The following DOP1A variants were observed in gnomAD, a reference collection of about 807,000 sequenced individuals.
The protein encoded by DOP1A is protein DOP1A.
DOP1A carries 90 observed loss-of-function variants against 267.6 expected under a neutral mutation model. That is an observed-to-expected ratio of 0.34 (90% CI 0.28 to 0.40). DOP1A has a LOEUF of 0.40. DOP1A is among the 10% of genes least tolerant of loss of function. The pLI, the probability that DOP1A is intolerant of heterozygous loss-of-function variation, is 1.00. For missense variants in DOP1A, 2,437 were observed against 2,900.4 expected, an observed-to-expected ratio of 0.84 and a Z score of 3.67; for synonymous variants, 932 against 999.1, an observed-to-expected ratio of 0.93 and a Z score of 1.27.
intron 1 of DOP1A, among the ~76,000 whole-genome samples, chr6:83,087,431 ATGTAGT>A (rs1442939093): frequency 1.3e-5 from 2 of 152,134 alleles, no homozygotes; most frequent in Admixed American, 1.3e-4. Flanking sequence ...AAAAAAAAAC[ATGTAGT>A]TGAGTTTAAC....
chr6:83,114,004 T>C (rs943879349), intron 7 of DOP1A, among the ~76,000 whole-genome samples: 10 of 152,272 alleles, frequency 6.6e-5, no homozygotes, highest in Middle Eastern at 3.4e-3. Context: ...CACCAGTATA[T>C]AGGCATTCAG....
chr6:83,100,432 A>G (rs995766289), intron 3 of DOP1A, among the ~76,000 whole-genome samples: 1 of 151,988 alleles, frequency 6.6e-6, no homozygotes. Context: ...AATCTAAAAT[A>G]CCTCTCTTCT....
At chr6:83,092,696 T>A (rs1770683410) in intron 1 of DOP1A, among the ~76,000 whole-genome samples, 1 of 151,920 alleles carries the variant, frequency 6.6e-6, no homozygotes, top group East Asian at 1.9e-4. Context: ...AATTTACAAA[T>A]TAGGCATAGT....
At chr6:83,153,813 T>C in intron 31 of DOP1A, 81 bp from the exon 32 acceptor site, 1 of 1,427,920 alleles carries the variant, frequency 7.0e-7, no homozygotes, top group Non-Finnish European at 9.5e-7. Flanking sequence ...CTGTCTTAGG[T>C]AAATGTGAAC....
chr6:83,100,942 A>G, intron 4 of DOP1A, 56 bp downstream of exon 4: 1 of 1,132,018 alleles, frequency 8.8e-7, no homozygotes, highest in Non-Finnish European at 1.2e-6. Flanking sequence ...GTATTGCTAA[A>G]CTATTTTATA....
Position 83,109,015 on chromosome 6 carries a change from T to G in DOP1A, c.426T>G (p.Pro142=). 6.2e-7 allele frequency: 1 copy of G among 1,613,794 alleles called. No homozygotes were observed. Among genetic ancestry groups the G allele is most frequent in the South Asian group, 1.1e-5 (1 of 91,080 alleles). The change falls in exon 5 of 39, where the codon CCT becomes CCG. Residue 142 remains proline, a synonymous_variant. Coordinates refer to ENST00000349129, the MANE Select transcript of DOP1A (RefSeq NM_015018.4). ...YYLPLGKTLK[P]GLQGLLTGIL... ...TGCCTTTGGGTAAAACACTGAAACC[T>G]GGTCTACAGGGATTGCTTACTGGTA... is the stretch of plus-strand genomic sequence containing the variant.
At chr6:83,085,920 G>A (rs1769137605) in intron 1 of DOP1A, among the ~76,000 whole-genome samples, 1 of 152,082 alleles carries the variant, frequency 6.6e-6, no homozygotes, top group Non-Finnish European at 1.5e-5. Context: ...TCTCTGTGGA[G>A]GATGAATTAT....
intron 1 of DOP1A, among the ~76,000 whole-genome samples, chr6:83,077,059 CTAAAG>C (rs1301021575): frequency 6.6e-6 from 1 of 152,156 alleles, no homozygotes; most frequent in Non-Finnish European, 1.5e-5. Flanking sequence ...CATGAGGTAT[CTAAAG>C]TAGTCAAATT....
At chr6:83,074,795 G>A (rs1243288126) in intron 1 of DOP1A, among the ~76,000 whole-genome samples, 2 of 152,184 alleles carry the variant, frequency 1.3e-5, no homozygotes, top group Admixed American at 6.5e-5. Context: ...TTTTGGCCAG[G>A]CTCAGTGGCT....
intron 29 of DOP1A, 121 bp downstream of exon 29, chr6:83,152,148 C>CT: frequency 8.5e-7 from 1 of 1,172,030 alleles, no homozygotes; most frequent in Non-Finnish European, 1.2e-6. Context: ...TAACAAGTAA[C>CT]TTTTTTTCAG....
At chr6:83,167,173 T>TAA (rs1785932378) in intron 38 of DOP1A, 1 of 895,056 alleles carries the variant, frequency 1.1e-6, no homozygotes, top group African/African-American at 1.8e-5. Context: ...TCCCATTTTA[T>TAA]AAGTGAGGAA....
chr6:83,129,286 C>T lies in DOP1A; in HGVS notation c.2119C>T (p.His707Tyr). 1 of 1,609,934 alleles carries T rather than the reference C, an allele frequency of 6.2e-7. No homozygotes were observed. Among genetic ancestry groups the T allele is most frequent in the South Asian group, 1.1e-5 (1 of 90,060 alleles). Residue 707 changes from histidine to tyrosine, a missense_variant, in exon 16 of 39, where the codon CAT becomes TAT. By Grantham distance (83) the His-to-Tyr change is moderately conservative. Coordinates refer to ENST00000349129, the MANE Select transcript of DOP1A (RefSeq NM_015018.4). ...NSFSQSLATE[H>Y]QGDLGREQGE... ...TTTTTCTCAGTCTTTGGCTACAGAA[C>T]ATCAAGGGGATCTTGGTCGAGAACA... is the stretch of plus-strand genomic sequence containing the variant.
chr6:83,078,736 G>A (rs1767568386), intron 1 of DOP1A, among the ~76,000 whole-genome samples: 1 of 152,166 alleles, frequency 6.6e-6, no homozygotes, highest in Admixed American at 6.6e-5. Context: ...TGGTTTATCA[G>A]TATTTTGGAG....
chr6:83,088,385 A>G (rs1033031707), intron 1 of DOP1A, among the ~76,000 whole-genome samples: 2 of 146,482 alleles, frequency 1.4e-5, no homozygotes, highest in Admixed American at 6.8e-5. Context: ...ACAATAACCT[A>G]TTTGTAAAAT....
At chr6:83,136,089 C>T (rs1298383540) in intron 20 of DOP1A, among the ~76,000 whole-genome samples, 2 of 152,058 alleles carry the variant, frequency 1.3e-5, no homozygotes, top group African/African-American at 4.8e-5. Flanking sequence ...TCTCAGTTGA[C>T]TCTTTCAGGG....
intron 24 of DOP1A, among the ~76,000 whole-genome samples, chr6:83,142,445 T>A: frequency 6.6e-6 from 1 of 151,774 alleles, no homozygotes; most frequent in Non-Finnish European, 1.5e-5. Context: ...GAGGCGGAGG[T>A]TGTGGTGAGC....
intron 1 of DOP1A, among the ~76,000 whole-genome samples, chr6:83,091,016 T>A (rs1770277006): frequency 6.6e-6 from 1 of 151,874 alleles, no homozygotes; most frequent in Non-Finnish European, 1.5e-5. Flanking sequence ...GGACTTACAG[T>A]TCCATATGGC....
At position 83,167,745 on chromosome 6, in the gene DOP1A, C is replaced by T. The variant is rs1786135429; in HGVS notation, c.7093-117C>T. 5.5e-6 allele frequency: 8 copies of T among 1,448,596 alleles called. No individual in the cohort carries two copies. In the South Asian group the frequency reaches 1.1e-4, roughly 19 times the overall value. 89.7% of individuals were successfully genotyped at this position (1,448,596 alleles called of 1,614,324 possible). A position where few individuals can be genotyped will look rare whatever the true frequency, so the allele number is the denominator to read the frequency against. On this transcript the variant is annotated intron_variant, in intron 38 of 38. Transcript: ENST00000349129. ...TTTTGATCAGGTCAGGAGTTAGAAA[C>T]TTAATGTCATTTGTATTCATTTCTT...
chr6:83,117,056 A>G (rs1348771742), intron 7 of DOP1A, among the ~76,000 whole-genome samples: 2 of 152,152 alleles, frequency 1.3e-5, no homozygotes, highest in East Asian at 3.8e-4. Context: ...ACTCAGTTAT[A>G]CAATTGCTTT....
Sources: allele counts gnomAD v4.1 joint callset (sites outside exome capture counted in the v4.1 genomes callset), GRCh38; gene constraint gnomAD v4.1.1; transcripts MANE v1.5; gene names NCBI Gene and HGNC (gene_info 2026-07-23, HGNC 2026-07-21).